MCMDC2: variants seen among roughly 807,000 people sequenced by gnomAD.
MCMDC2 encodes minichromosome maintenance domain-containing protein 2.
In MCMDC2, 54 loss-of-function variants were observed where a neutral mutation model predicts 75.8. The ratio of observed to expected loss-of-function variants is 0.71; its 90% confidence interval spans 0.57 to 0.89. The LOEUF is 0.89. MCMDC2 is among the 40% of genes least tolerant of loss of function. The probability of loss-of-function intolerance (pLI) is 0.00; values close to 1 mark genes in which losing one functional copy is unlikely to be tolerated. For synonymous variants in MCMDC2, 249 were observed against 274.6 expected (o/e 0.91, Z 0.92); for missense variants, 656 against 780.4 (o/e 0.84, Z 1.90).
chr8:66,891,129 G>A, intron 10 of MCMDC2, 59 bp downstream of exon 10: 6 of 1,346,824 alleles, frequency 4.5e-6, no homozygotes, highest in Non-Finnish European at 6.1e-6. Flanking sequence ...CATCCATGTT[G>A]AGATACTTAA....
At chr8:66,891,761 C>T (rs960091888) in intron 10 of MCMDC2, among the ~76,000 whole-genome samples, 3 of 152,120 alleles carry the variant, frequency 2.0e-5, no homozygotes, top group African/African-American at 4.8e-5. Flanking sequence ...AGCGGAGCAG[C>T]GAGGGGTGTG....
In MCMDC2 at chr8:66,919,853, G is replaced by A. The variant is rs1272821539; in HGVS notation, c.*684G>A. ...CTAACCCTAACTGGTTACAAGAAAG[G>A]CTCCAAAAGGCAAAGAAACCAACTT... On this transcript the variant is annotated 3_prime_UTR_variant, in exon 15 of 15. Transcript: ENST00000422365. The A allele has an allele frequency of 6.6e-6, 1 of 152,170 alleles. No individual in the cohort carries two copies. The highest frequency in any genetic ancestry group is 1.5e-5 in the Non-Finnish European group (1 of 68,034). 9.4% of individuals were successfully genotyped at this position (152,170 alleles called of 1,614,324 possible).
intron 8 of MCMDC2, among the ~76,000 whole-genome samples, chr8:66,881,574 T>C (rs577057905): frequency 6.6e-6 from 1 of 152,230 alleles, no homozygotes; most frequent in South Asian, 2.1e-4. Context: ...TAATCCCAGC[T>C]ACTTGGGAGG....
At chr8:66,871,326 G>T (rs190215103) in intron 1 of MCMDC2, among the ~76,000 whole-genome samples, 2 of 152,184 alleles carry the variant, frequency 1.3e-5, no homozygotes, top group East Asian at 3.9e-4. Flanking sequence ...TTTTCCTCAT[G>T]TCCTTAACAC....
chr8:66,922,223 CACATGCAAAAG>C (rs1813570620), downstream of MCMDC2: 1 of 209,372 alleles, frequency 4.8e-6, no homozygotes, highest in Non-Finnish European at 9.9e-6. Context: ...GAGAATACCA[CACATGCAAAAG>C]CAACTTCAAC....
chr8:66,915,451 CAA>C (rs1195334056), intron 14 of MCMDC2, among the ~76,000 whole-genome samples: 3 of 122,838 alleles, frequency 2.4e-5, no homozygotes, highest in African/African-American at 3.0e-5. Flanking sequence ...GACTCCGTCT[CAA>C]AAAAAAAAAA....
rs953519469 is a variant in MCMDC2 at position 66,891,003 on chromosome 8, A to C, written c.1212A>C (p.Lys404Asn). ...AGGCTGGCAGTGCTTTGCTAGCTAAAGGTGGTATCTGCTTTATAGGAGACT... is the reference window on the plus strand; with the variant it reads ...AGGCTGGCAGTGCTTTGCTAGCTAACGGTGGTATCTGCTTTATAGGAGACT... Reference protein sequence around the residue: ...SIQAGSALLAKGGICFIGDLA... With the variant: ...SIQAGSALLANGGICFIGDLA... Residue 404 changes from lysine to asparagine, a missense_variant, in exon 10 of 15, where the codon AAA becomes AAC. Lys to Asn is a moderately conservative substitution (Grantham distance 94, BLOSUM62 0). Transcript: ENST00000422365. The C allele has an allele frequency of 1.2e-6, 2 of 1,606,958 alleles. No individual in the cohort carries two copies. Among genetic ancestry groups the C allele is most frequent in the African/African-American group, 2.7e-5 (2 of 74,486 alleles).
chr8:66,901,498 T>TG, intron 13 of MCMDC2, 150 bp downstream of exon 13: 1 of 1,366,020 alleles, frequency 7.3e-7, no homozygotes, highest in South Asian at 2.1e-5. Context: ...GACTAAAGGC[T>TG]TCACAATTCC....
At chr8:66,870,923 A>G (rs1355620713) in intron 1 of MCMDC2, 92 bp downstream of exon 1, 1 of 152,412 alleles carries the variant, frequency 6.6e-6, no homozygotes, top group Admixed American at 6.5e-5. Context: ...ACTCGCTTTC[A>G]TCCGCTTTGG....
In MCMDC2 at chr8:66,901,260, A is replaced by G; in HGVS notation, c.1681A>G (p.Met561Val). The change falls in exon 13 of 15, where the codon ATG (methionine) becomes GTG (valine). Residue 561 changes from methionine (M) to valine (V), a missense_variant. Transcript: ENST00000422365. ...AGAATTCAGCTTGGAAGCAGAAAGA[A>G]TGACCCATGGCTATTATCTAGCAAG... is the stretch of plus-strand genomic sequence containing the variant. ...NVEFSLEAER[M>V]THGYYLASRR... The G allele has an allele frequency of 6.2e-7, 1 of 1,614,146 alleles. No homozygotes were observed. The highest frequency in any genetic ancestry group is 2.2e-5 in the East Asian group (1 of 44,864).
In MCMDC2 at chr8:66,880,984, A is replaced by G; in HGVS notation, c.835+10A>G. On this transcript the variant is annotated intron_variant, in intron 8 of 14. Transcript: ENST00000422365. ...TTTTGTAATTCAAAAGGTAAGGAAA[A>G]TTTTAGTATTATATATTAACAAATA... 1 of 1,476,386 alleles carries G rather than the reference A, an allele frequency of 6.8e-7. No homozygotes were observed. The highest frequency in any genetic ancestry group is 9.0e-7 in the Non-Finnish European group (1 of 1,113,462). The allele number at this position is 1,476,386 out of a possible 1,614,324, so 91.5% of individuals were successfully genotyped here. A position where few individuals can be genotyped will look rare whatever the true frequency, so the allele number is the denominator to read the frequency against.
Position 66,896,203 on chromosome 8 carries a change from C to G in MCMDC2, c.1313C>G (p.Pro438Arg). The change falls in exon 11 of 15, where the codon CCA becomes CGA. Residue 438 changes from proline to arginine, a missense_variant. By Grantham distance (103) the Pro-to-Arg change is moderately radical. Coordinates refer to ENST00000422365, the MANE Select transcript of MCMDC2 (RefSeq NM_173518.5). The part of the protein sequence containing the change: ...LESRSITVYI[P>R]GKKFGEDIDQ... ...AGCAGAAGCATCACAGTGTACATCC[C>G]AGGAAAGAAGTTTGGGGAGGATATT... The G allele has an allele frequency of 6.2e-7, 1 of 1,612,008 alleles. No individual in the cohort carries two copies. The highest frequency in any genetic ancestry group is 8.5e-7 in the Non-Finnish European group (1 of 1,179,646).
At chr8:66,896,660 A>C in intron 11 of MCMDC2, 120 bp from the exon 12 acceptor site, 1 of 713,950 alleles carries the variant, frequency 1.4e-6, no homozygotes, top group Non-Finnish European at 1.9e-6. Flanking sequence ...ATTATAATTA[A>C]TATGATAAAT....
chr8:66,892,873 T>C (rs1812176513), intron 10 of MCMDC2, among the ~76,000 whole-genome samples: 1 of 152,236 alleles, frequency 6.6e-6, no homozygotes. Flanking sequence ...CATTAATTGA[T>C]TTTTGAATAT....
intron 14 of MCMDC2, among the ~76,000 whole-genome samples, chr8:66,907,213 C>G (rs1812941005): frequency 6.6e-6 from 1 of 152,082 alleles, no homozygotes; most frequent in Non-Finnish European, 1.5e-5. Flanking sequence ...TCCTAATGCT[C>G]TCCTTCCCCT....
intron 13 of MCMDC2, among the ~76,000 whole-genome samples, chr8:66,904,530 A>G (rs1812831739): frequency 6.6e-6 from 1 of 152,150 alleles, no homozygotes; most frequent in South Asian, 2.1e-4. Flanking sequence ...TGAGTTTCAA[A>G]AAATCTCATA....
chr8:66,879,841 G>A (rs548368405), intron 7 of MCMDC2, among the ~76,000 whole-genome samples: 1 of 152,214 alleles, frequency 6.6e-6, no homozygotes, highest in South Asian at 2.1e-4. Flanking sequence ...CTATTATTCT[G>A]TGTGTGTGTC....
intron 10 of MCMDC2, among the ~76,000 whole-genome samples, 197 bp downstream of exon 10, chr8:66,891,267 T>C (rs2130824076): frequency 6.6e-6 from 1 of 152,342 alleles, no homozygotes; most frequent in African/African-American, 2.4e-5. Context: ...TTGCTCTCAG[T>C]GTGCTAACAC....
At chr8:66,885,264 T>G (rs1585865283) in intron 9 of MCMDC2, among the ~76,000 whole-genome samples, 1 of 147,354 alleles carries the variant, frequency 6.8e-6, no homozygotes, top group Non-Finnish European at 1.5e-5. Context: ...ACCTGGGAGG[T>G]GGAGGTTGCA....
Sources: allele counts gnomAD v4.1 joint callset (sites outside exome capture counted in the v4.1 genomes callset), GRCh38; gene constraint gnomAD v4.1.1; transcripts MANE v1.5; gene names NCBI Gene and HGNC (gene_info 2026-07-23, HGNC 2026-07-21).